The following KLHL9 variants were observed in gnomAD, a reference collection of about 807,000 sequenced individuals.
KLHL9 encodes kelch like family member 9, also known as kelch-like protein 9.
KLHL9 carries 27 observed loss-of-function variants against 42.3 expected under a neutral mutation model. The observed-to-expected ratio is 0.64, with a 90% confidence interval of 0.47 to 0.88. KLHL9 has a LOEUF of 0.88. KLHL9 is among the 40% of genes least tolerant of loss of function. The pLI is 0.00. For synonymous variants in KLHL9, 274 were observed against 254.4 expected, an observed-to-expected ratio of 1.08 and a Z score of -0.73; for missense variants, 629 against 750.3, an observed-to-expected ratio of 0.84 and a Z score of 1.89.
At position 21,333,425 on chromosome 9, in the gene KLHL9, T is replaced by C; in HGVS notation, c.1435A>G (p.Met479Val). ...DTDKWMQKAP[M>V]TTVRGLHCMC... ...CAATGCAGACCTCTGACTGTAGTCA[T>C]TGGAGCCTTTTGCATCCATTTATCT... Residue 479 changes from methionine to valine, a missense_variant, in exon 1 of 1, where the codon ATG becomes GTG. Met to Val is a conservative substitution (Grantham distance 21, BLOSUM62 1). Coordinates refer to ENST00000359039, the MANE Select transcript of KLHL9 (RefSeq NM_018847.4). The surrounding 1 kb of genome is among the most constrained non-coding windows in gnomAD (Gnocchi z 7.5). 3.1e-6 allele frequency: 5 copies of C among 1,614,246 alleles called. No homozygotes were observed. The highest frequency in any genetic ancestry group is 2.2e-5 in the East Asian group (1 of 44,892).
Position 21,334,825 on chromosome 9 carries a change from A to C in KLHL9, c.35T>G (p.Val12Gly). The change falls in exon 1 of 1, where the codon GTC (valine) becomes GGC (glycine). Residue 12 changes from valine to glycine, a missense_variant. By Grantham distance (109) the Val-to-Gly change is moderately radical. Transcript: ENST00000359039. This position sits in a 1 kb window ranked among gnomAD's most constrained non-coding sequence, Gnocchi z 5.1. ...KVSLGNGEMGVSAHLQPCKAG... is the reference protein window; with the variant it reads ...KVSLGNGEMGGSAHLQPCKAG... Reference sequence around the variant, plus strand: ...CTTACAAGGCTGCAAATGGGCAGAGACGCCCATTTCGCCGTTACCAAGGGA... The same window carrying C: ...CTTACAAGGCTGCAAATGGGCAGAGCCGCCCATTTCGCCGTTACCAAGGGA... 1 of 1,613,988 alleles carries C rather than the reference A, an allele frequency of 6.2e-7. No individual in the cohort carries two copies. The highest frequency in any genetic ancestry group is 8.5e-7 in the Non-Finnish European group (1 of 1,179,886).
chr9:21,335,351 G>C lies in KLHL9; in HGVS notation c.-492C>G, dbSNP rs188685864. The C allele has an allele frequency of 9.5e-6, 4 of 419,438 alleles. No homozygotes were observed. The highest frequency in any genetic ancestry group is 2.1e-5 in the African/African-American group (1 of 48,690). The allele number at this position is 419,438 out of a possible 1,614,324, so 26.0% of individuals were successfully genotyped here. On this transcript the variant is annotated 5_prime_UTR_variant, in exon 1 of 1. Coordinates refer to ENST00000359039, the MANE Select transcript of KLHL9 (RefSeq NM_018847.4). The stretch of plus-strand genomic sequence containing the variant: ...GCCTGGGCTTGGGCCTAGAATACCG[G>C]CCTAGCCCCAACACCGAGCCGCTCC...
Position 21,334,447 on chromosome 9 carries a change from A to G in KLHL9, c.413T>C (p.Leu138Ser). ...TATAAGAAATACTTTACAGAAATCC[A>G]AAACGGGTAATATTTGTAAAAAGCT... ...AASFLQILPV[L>S]DFCKVFLISG... The change falls in exon 1 of 1, where the codon TTG becomes TCG. Residue 138 changes from leucine (L) to serine (S), a missense_variant. Leu to Ser is a moderately radical substitution (Grantham distance 145, BLOSUM62 -2). Transcript: ENST00000359039. This position sits in a 1 kb window ranked among gnomAD's most constrained non-coding sequence, Gnocchi z 5.1. 1.2e-6 allele frequency: 2 copies of G among 1,614,076 alleles called. No homozygotes were observed. The highest frequency in any genetic ancestry group is 1.1e-5 in the South Asian group (1 of 91,080).
chr9:21,330,287 T>C lies in KLHL9; in HGVS notation c.*2719A>G, dbSNP rs1434654264. 1 of 152,226 alleles carries C rather than the reference T, an allele frequency of 6.6e-6. No homozygotes were observed. The highest frequency in any genetic ancestry group is 1.9e-4 in the East Asian group (1 of 5,198). The allele number at this position is 152,226 out of a possible 1,614,324, so 9.4% of individuals were successfully genotyped here. On this transcript the variant is annotated 3_prime_UTR_variant, in exon 1 of 1. Coordinates refer to ENST00000359039, the MANE Select transcript of KLHL9 (RefSeq NM_018847.4). ...ATAATAGTCTTAATAATGTTGTGCA[T>C]GAAACAAGTCTTCACTGTGTTTTGA...
chr9:21,333,048 A>G lies in KLHL9; in HGVS notation c.1812T>C (p.Pro604=). ...GTGCTGAAAGAGGTGATTCTCTAGA[A>G]GGTGACCCAGGGTTTTCTTCAGGTG... is the stretch of plus-strand genomic sequence containing the variant. ...VFPPEENPGS[P]SRESPLSAPS... is the part of the protein sequence containing the mutation. Residue 604 remains proline (P), a synonymous_variant, in exon 1 of 1, where the codon CCT becomes CCC. Transcript: ENST00000359039. This position sits in a 1 kb window ranked among gnomAD's most constrained non-coding sequence, Gnocchi z 7.5. The G allele has an allele frequency of 6.2e-7, 1 of 1,614,182 alleles. No homozygotes were observed.
chr9:21,335,053 G>A lies in KLHL9; in HGVS notation c.-194C>T, dbSNP rs1820245471. 5.9e-6 allele frequency: 4 copies of A among 680,614 alleles called. No individual in the cohort carries two copies. In the South Asian group the frequency reaches 7.7e-5, roughly 13 times the overall value. The allele number at this position is 680,614 out of a possible 1,614,324, so 42.2% of individuals were successfully genotyped here. A position where few individuals can be genotyped will look rare whatever the true frequency, so the allele number is the denominator to read the frequency against. On this transcript the variant is annotated 5_prime_UTR_variant, in exon 1 of 1. Transcript: ENST00000359039. ...ATCACCCTGTAGCAGGACCACAAAGGGCTGTGGACCTCAAATCTGATTATT... is the reference window on the plus strand; with the variant it reads ...ATCACCCTGTAGCAGGACCACAAAGAGCTGTGGACCTCAAATCTGATTATT...
rs1459494937 is a variant in KLHL9, at chr9:21,334,561, T to G, written c.299A>C (p.Lys100Thr). The change falls in exon 1 of 1, where the codon AAG becomes ACG. Residue 100 changes from lysine to threonine, a missense_variant. By Grantham distance (78) the Lys-to-Thr change is moderately conservative. This residue lies in a region of KLHL9 where 351 missense variants were observed against 363.1 expected (regional missense o/e 0.97). Transcript: ENST00000359039. The surrounding 1 kb of genome is among the most constrained non-coding windows in gnomAD (Gnocchi z 5.1). ...ATCAATGATTTTCTTCAGACCAACCTTGTTCACCCCATGAAGCTTAATGCA... is the reference window on the plus strand; with the variant it reads ...ATCAATGATTTTCTTCAGACCAACCGTGTTCACCCCATGAAGCTTAATGCA... Reference protein sequence around the residue: ...LMCIKLHGVNKVGLKKIIDFI... With the variant: ...LMCIKLHGVNTVGLKKIIDFI... 1 of 1,614,110 alleles carries G rather than the reference T, an allele frequency of 6.2e-7. No homozygotes were observed. The highest frequency in any genetic ancestry group is 8.5e-7 in the Non-Finnish European group (1 of 1,180,040).
Position 21,333,158 on chromosome 9 carries a change from C to A in KLHL9, c.1702G>T (p.Asp568Tyr). 6.2e-7 allele frequency: 1 copy of A among 1,614,082 alleles called. No individual in the cohort carries two copies. The highest frequency in any genetic ancestry group is 1.1e-5 in the South Asian group (1 of 91,062). Reference sequence around the variant, plus strand: ...TTATGCCACTCATCTTTTTCTGGGTCATATTTCTGGACAATTTCTACCATA... The same window carrying A: ...TTATGCCACTCATCTTTTTCTGGGTAATATTTCTGGACAATTTCTACCATA... ...RCMVEIVQKY[D>Y]PEKDEWHKVF... Residue 568 changes from aspartate to tyrosine, a missense_variant, in exon 1 of 1, where the codon GAC becomes TAC. By Grantham distance (160) the Asp-to-Tyr change is radical (BLOSUM62 -3). This residue lies in a region of KLHL9 where 61 missense variants were observed against 63.5 expected (regional missense o/e 0.96). Transcript: ENST00000359039. The surrounding 1 kb of genome is among the most constrained non-coding windows in gnomAD (Gnocchi z 7.5).
At position 21,332,782 on chromosome 9, in the gene KLHL9, A is replaced by G; in HGVS notation, c.*224T>C. ...TATATAACATCACAAAAAGACATCT[A>G]AACATTTTTCTACGTCTTTTTTTCA... On this transcript the variant is annotated 3_prime_UTR_variant, in exon 1 of 1. Transcript: ENST00000359039. 1.7e-6 allele frequency: 1 copy of G among 605,942 alleles called. No homozygotes were observed. Among genetic ancestry groups the G allele is most frequent in the Non-Finnish European group, 2.6e-6 (1 of 378,396 alleles). 37.5% of individuals were successfully genotyped at this position (605,942 alleles called of 1,614,324 possible). A position where few individuals can be genotyped will look rare whatever the true frequency, so the allele number is the denominator to read the frequency against.
In KLHL9 at chr9:21,333,033, A is replaced by G; in HGVS notation, c.1827T>C (p.Pro609=). 2.5e-6 allele frequency: 4 copies of G among 1,614,208 alleles called. No individual in the cohort carries two copies. Among genetic ancestry groups the G allele is most frequent in the Non-Finnish European group, 3.4e-6 (4 of 1,180,020 alleles). ...ENPGSPSRES[P]LSAPSDHS ...AAGAATGATCTGAAGGTGCTGAAAG[A>G]GGTGATTCTCTAGAAGGTGACCCAG... Residue 609 remains proline (P), a synonymous_variant, in exon 1 of 1, where the codon CCT becomes CCC. Transcript: ENST00000359039. The surrounding 1 kb of genome is among the most constrained non-coding windows in gnomAD (Gnocchi z 7.5).
In KLHL9 at chr9:21,335,328, CTGGGCT is replaced by C. The variant is rs1820252274; in HGVS notation, c.-475_-470del. 1 of 401,594 alleles carries C rather than the reference CTGGGCT, an allele frequency of 2.5e-6. No homozygotes were observed. Among genetic ancestry groups the C allele is most frequent in the East Asian group, 3.5e-5 (1 of 28,708 alleles). The allele number at this position is 401,594 out of a possible 1,614,324, so 24.9% of individuals were successfully genotyped here. A position where few individuals can be genotyped will look rare whatever the true frequency, so the allele number is the denominator to read the frequency against. ...AAGGGCCGGGAACACAGGCCTGGGC[CTGGGCT>C]TGGGCCTAGAATACCGGCCTAGCCC... On this transcript the variant is annotated 5_prime_UTR_variant, in exon 1 of 1. Coordinates refer to ENST00000359039, the MANE Select transcript of KLHL9 (RefSeq NM_018847.4).
Position 21,334,967 on chromosome 9 carries a change from ATCAAGGGAAGGCAGT to A in KLHL9, c.-123_-109del. On this transcript the variant is annotated 5_prime_UTR_variant, in exon 1 of 1. It introduces an in-frame stop codon into an upstream open reading frame of the 5' UTR. Transcript: ENST00000359039. This position sits in a 1 kb window ranked among gnomAD's most constrained non-coding sequence, Gnocchi z 5.1. Reference sequence around the variant, plus strand: ...GAAAGAACAGAAAGCTCGTTTCCTTATCAAGGGAAGGCAGTCACTGCGGCACCCCTCGGGCCACGC... The same window carrying A: ...GAAAGAACAGAAAGCTCGTTTCCTTACACTGCGGCACCCCTCGGGCCACGC... The A allele has an allele frequency of 6.6e-7, 1 of 1,513,214 alleles. No homozygotes were observed. Among genetic ancestry groups the A allele is most frequent in the East Asian group, 2.4e-5 (1 of 42,260 alleles). The allele number at this position is 1,513,214 out of a possible 1,614,324, so 93.7% of individuals were successfully genotyped here. A position where few individuals can be genotyped will look rare whatever the true frequency, so the allele number is the denominator to read the frequency against.
chr9:21,334,317 A>G lies in KLHL9; in HGVS notation c.543T>C (p.Phe181=). ...ACTCCCCAGTACTCAATAAAGCAGGAAAGTTCTTCAGGATGAAATTATTAA... is the reference window on the plus strand; with the variant it reads ...ACTCCCCAGTACTCAATAAAGCAGGGAAGTTCTTCAGGATGAAATTATTAA... ...KYVNNFILKN[F]PALLSTGEFL... is the part of the protein sequence containing the mutation. Residue 181 remains phenylalanine, a synonymous_variant, in exon 1 of 1, where the codon TTT becomes TTC. Transcript: ENST00000359039. The surrounding 1 kb of genome is among the most constrained non-coding windows in gnomAD (Gnocchi z 5.1). 3 of 1,614,060 alleles carry G rather than the reference A, an allele frequency of 1.9e-6. No individual in the cohort carries two copies. Among genetic ancestry groups the G allele is most frequent in the Middle Eastern group, 1.6e-4 (1 of 6,062 alleles).
rs747771001 is a variant in KLHL9, at chr9:21,334,657, G to C, written c.203C>G (p.Ala68Gly). 6.2e-7 allele frequency: 1 copy of C among 1,614,166 alleles called. No homozygotes were observed. Reference protein sequence around the residue: ...DGDEIFPVHRAMMASASDYFK... With the variant: ...DGDEIFPVHRGMMASASDYFK... Reference sequence around the variant, plus strand: ...ATAATCACTAGCAGACGCCATCATAGCTCTGTGAACAGGGAAGATTTCATC... The same window carrying C: ...ATAATCACTAGCAGACGCCATCATACCTCTGTGAACAGGGAAGATTTCATC... The change falls in exon 1 of 1, where the codon GCT (alanine) becomes GGT (glycine). Residue 68 changes from alanine to glycine, a missense_variant. Around this residue, in one of 4 missense-constraint regions of KLHL9, gnomAD observed 351 missense variants for 363.1 expected, o/e 0.97. Transcript: ENST00000359039. The surrounding 1 kb of genome is among the most constrained non-coding windows in gnomAD (Gnocchi z 5.1).
Position 21,332,500 on chromosome 9 carries a change from T to C in KLHL9, c.*506A>G. ...ATACTGGCTTGGTGCTATACTGTTTTTTCCTAGTTAATATTTTTATTATTT... is the reference window on the plus strand; with the variant it reads ...ATACTGGCTTGGTGCTATACTGTTTCTTCCTAGTTAATATTTTTATTATTT... On this transcript the variant is annotated 3_prime_UTR_variant, in exon 1 of 1. Transcript: ENST00000359039. The C allele has an allele frequency of 6.1e-6, 1 of 162,690 alleles. No individual in the cohort carries two copies. Among genetic ancestry groups the C allele is most frequent in the Non-Finnish European group, 1.4e-5 (1 of 73,726 alleles). The allele number at this position is 162,690 out of a possible 1,614,324, so 10.1% of individuals were successfully genotyped here. A position where few individuals can be genotyped will look rare whatever the true frequency, so the allele number is the denominator to read the frequency against.
rs1272320268 is a variant in KLHL9, at chr9:21,332,795, C to T, written c.*211G>A. ...AAAAAGACATCTAAACATTTTTCTA[C>T]GTCTTTTTTTCATTTGTTAAAACAG... On this transcript the variant is annotated 3_prime_UTR_variant, in exon 1 of 1. Coordinates refer to ENST00000359039, the MANE Select transcript of KLHL9 (RefSeq NM_018847.4). 1.1e-5 allele frequency: 7 copies of T among 656,750 alleles called. No individual in the cohort carries two copies. Among genetic ancestry groups the T allele is most frequent in the African/African-American group, 3.6e-5 (2 of 54,832 alleles). The allele number at this position is 656,750 out of a possible 1,614,324, so 40.7% of individuals were successfully genotyped here.
Position 21,331,492 on chromosome 9 carries a change from G to A in KLHL9, c.*1514C>T, listed in dbSNP as rs370753846. 2.1e-3 allele frequency: 6 copies of A among 2,924 alleles called. No individual in the cohort carries two copies. The highest frequency in any genetic ancestry group is 0.013 in the South Asian group (1 of 76). The allele number at this position is 2,924 out of a possible 1,614,324, so 0.2% of individuals were successfully genotyped here. ...TGCTGACAATCTTCCAGGTATAGGG[G>A]GTTGTGTGTGTGTATTACACACACA... is the stretch of plus-strand genomic sequence containing the variant. On this transcript the variant is annotated 3_prime_UTR_variant, in exon 1 of 1. Coordinates refer to ENST00000359039, the MANE Select transcript of KLHL9 (RefSeq NM_018847.4).
At position 21,329,701 on chromosome 9, in the gene KLHL9, C is replaced by G. The variant is rs1820135960; in HGVS notation, c.*3305G>C. 6.6e-6 allele frequency: 1 copy of G among 151,100 alleles called. No homozygotes were observed. Among genetic ancestry groups the G allele is most frequent in the African/African-American group, 2.4e-5 (1 of 41,194 alleles). 9.4% of individuals were successfully genotyped at this position (151,100 alleles called of 1,614,324 possible). On this transcript the variant is annotated 3_prime_UTR_variant, in exon 1 of 1. Coordinates refer to ENST00000359039, the MANE Select transcript of KLHL9 (RefSeq NM_018847.4). The stretch of plus-strand genomic sequence containing the variant: ...GGAAGGTGGATTTATTTTCATTATC[C>G]AGCTTTTAGCCTAAGGTCTGGCATA...
In KLHL9 at chr9:21,333,963, G is replaced by C; in HGVS notation, c.897C>G (p.His299Gln). 1 of 1,614,198 alleles carries C rather than the reference G, an allele frequency of 6.2e-7. No individual in the cohort carries two copies. Among genetic ancestry groups the C allele is most frequent in the Non-Finnish European group, 8.5e-7 (1 of 1,180,040 alleles). Residue 299 changes from histidine (H) to glutamine (Q), a missense_variant, in exon 1 of 1, where the codon CAC becomes CAG. His to Gln is a conservative substitution (Grantham distance 24). Transcript: ENST00000359039. This position sits in a 1 kb window ranked among gnomAD's most constrained non-coding sequence, Gnocchi z 7.5. ...TCAAAACTCCTCCTAATGTAACCAA[G>C]TGAGTGGAGTCAGATCGAATGGCAG... Reference protein sequence around the residue: ...DRTAIRSDSTHLVTLGGVLRQ... With the variant: ...DRTAIRSDSTQLVTLGGVLRQ...
Sources: allele counts gnomAD v4.1 joint callset, GRCh38; gene constraint gnomAD v4.1.1; regional missense constraint gnomAD v4.1.1; non-coding constraint Gnocchi (gnomAD v3.1); transcripts MANE v1.5; gene names NCBI Gene and HGNC (gene_info 2026-07-23, HGNC 2026-07-21).